ADCY3: variants seen among roughly 807,000 people sequenced by gnomAD.
ADCY3 encodes the protein adenylate cyclase type 3.
Under a neutral mutation model 119.4 loss-of-function variants are expected in ADCY3, and 70 were observed. That is an observed-to-expected ratio of 0.59 (90% confidence interval 0.48 to 0.72). The LOEUF is 0.72. Ranked by LOEUF, ADCY3 falls within the 30% of genes least tolerant of loss-of-function variation. The pLI is 0.00. For synonymous variants in ADCY3, 672 were observed against 621.4 expected (o/e 1.08, Z -1.21); for missense variants, 1,238 against 1,541.6 (o/e 0.80, Z 3.30).
Position 24,820,125 on chromosome 2 carries a change from A to AGGG in ADCY3, c.3253-14_3253-12dup. The AGGG allele has an allele frequency of 8.3e-7, 1 of 1,207,042 alleles. No homozygotes were observed. Among genetic ancestry groups the AGGG allele is most frequent in the Non-Finnish European group, 1.1e-6 (1 of 935,426 alleles). 74.8% of individuals were successfully genotyped at this position (1,207,042 alleles called of 1,614,324 possible). A position where few individuals can be genotyped will look rare whatever the true frequency, so the allele number is the denominator to read the frequency against. ...GGTTTCTTCTACCACCTGGAGAGGG[A>AGGG]GGGGGAGCAAGAACGTGGCGTTACG... On this transcript the variant is annotated splice_polypyrimidine_tract_variant and intron_variant, in intron 21 of 21. Transcript: ENST00000679454.
rs1664680932 is a variant in ADCY3, at chr2:24,918,138, C to T, written c.675+175G>A. ...TTCCCTGGGGCCAAGCACAGGCAGA[C>T]TCCGGGTAATGGCACAGGGGTGAAA... On this transcript the variant is annotated intron_variant, in intron 2 of 21. Coordinates refer to ENST00000679454, the MANE Select transcript of ADCY3 (RefSeq NM_004036.5). The surrounding 1 kb of genome is among the most constrained non-coding windows in gnomAD (Gnocchi z 5.4). Among the ~76,000 whole-genome samples the T allele has an allele frequency of 6.6e-6, 1 of 152,204 alleles. No homozygotes were observed. The highest frequency in any genetic ancestry group is 6.5e-5 in the Admixed American group (1 of 15,284).
At chr2:24,864,189 C>G (rs771576757) in intron 3 of ADCY3, among the ~76,000 whole-genome samples, 1 of 152,144 alleles carries the variant, frequency 6.6e-6, no homozygotes, top group African/African-American at 2.4e-5. Flanking sequence ...ACTCGGGACG[C>G]TGAAGCAGGA....
chr2:24,882,240 C>CATCT (rs1296337762), intron 2 of ADCY3, among the ~76,000 whole-genome samples: 2 of 151,836 alleles, frequency 1.3e-5, no homozygotes, highest in Non-Finnish European at 2.9e-5. Flanking sequence ...CAGAGAAGGC[C>CATCT]ATCTGGTCAA....
intron 3 of ADCY3, among the ~76,000 whole-genome samples, chr2:24,862,232 C>CCTTT (rs1166540201): frequency 6.6e-6 from 1 of 152,164 alleles, no homozygotes; most frequent in Admixed American, 6.5e-5. Context: ...TCACCAGGTC[C>CCTTT]CTTTCTATCT....
At chr2:24,833,947 G>A (rs1223562849) in intron 11 of ADCY3, among the ~76,000 whole-genome samples, 5 of 152,290 alleles carry the variant, frequency 3.3e-5, no homozygotes, top group South Asian at 2.1e-4. Flanking sequence ...CCGATTGGCC[G>A]AGGGGAGAAA....
intron 15 of ADCY3, among the ~76,000 whole-genome samples, chr2:24,827,336 C>A (rs1448224632): frequency 6.6e-6 from 1 of 152,218 alleles, no homozygotes; most frequent in Admixed American, 6.5e-5. Context: ...CAGCCAGTTA[C>A]ATGCAGCTGC....
intron 2 of ADCY3, among the ~76,000 whole-genome samples, chr2:24,910,266 G>A (rs1014098578): frequency 8.5e-5 from 13 of 152,120 alleles, no homozygotes; most frequent in African/African-American, 2.7e-4. Flanking sequence ...GCAGTGTCAC[G>A]ATCATGGCTC....
At chr2:24,880,874 G>C (rs1676307050) in intron 2 of ADCY3, among the ~76,000 whole-genome samples, 1 of 152,158 alleles carries the variant, frequency 6.6e-6, no homozygotes, top group Non-Finnish European at 1.5e-5. Context: ...AATTAGCTGG[G>C]TGTTGTGGCA....
intron 3 of ADCY3, among the ~76,000 whole-genome samples, chr2:24,850,019 C>A (rs1282430164): frequency 2.0e-5 from 3 of 152,050 alleles, no homozygotes; most frequent in Non-Finnish European, 2.9e-5. Flanking sequence ...GGTAGATGAG[C>A]TGGACTGTTT....
intron 21 of ADCY3, 149 bp from the exon 22 acceptor site, chr2:24,820,263 T>C (rs1026096548): frequency 1.1e-4 from 128 of 1,201,730 alleles, no homozygotes; most frequent in Non-Finnish European, 1.3e-4. Flanking sequence ...GCCAAGCCCT[T>C]CCACCCGTGG....
Position 24,857,957 on chromosome 2 carries a change from T to C in ADCY3, c.825+14613A>G, listed in dbSNP as rs557938611. Among the ~76,000 whole-genome samples the C allele has an allele frequency of 9.2e-5, 14 of 151,352 alleles. No individual in the cohort carries two copies. The East Asian group carries it at 2.7e-3, about 29-fold the overall frequency. ...GTTCTGCTCACAACTGTATCCCCAG[T>C]GCCTAGAAAAGTCCTGAAATACTTG... On this transcript the variant is annotated intron_variant, in intron 3 of 21. Transcript: ENST00000679454.
At chr2:24,863,087 A>G (rs1019700127) in intron 3 of ADCY3, among the ~76,000 whole-genome samples, 1 of 152,222 alleles carries the variant, frequency 6.6e-6, no homozygotes, top group African/African-American at 2.4e-5. Flanking sequence ...GACCAAAAAA[A>G]AGGCTTGAAG....
chr2:24,895,827 T>C (rs1393380780), intron 2 of ADCY3, among the ~76,000 whole-genome samples: 2 of 152,200 alleles, frequency 1.3e-5, no homozygotes. Flanking sequence ...GGTTTCACCA[T>C]ATTGCCCAGG....
chr2:24,839,229 A>G (rs1367400034), intron 7 of ADCY3, among the ~76,000 whole-genome samples: 1 of 152,184 alleles, frequency 6.6e-6, no homozygotes, highest in Non-Finnish European at 1.5e-5. Flanking sequence ...GGCGTGAGCC[A>G]CAAGATCCAA....
chr2:24,897,890 G>C (rs1424208776), intron 2 of ADCY3, among the ~76,000 whole-genome samples: 2 of 152,104 alleles, frequency 1.3e-5, no homozygotes, highest in African/African-American at 4.8e-5. Flanking sequence ...ATACTCTGCT[G>C]CTCACAGCCA....
intron 3 of ADCY3, among the ~76,000 whole-genome samples, chr2:24,858,343 T>A (rs1217735010): frequency 6.6e-6 from 1 of 152,154 alleles, no homozygotes; most frequent in Non-Finnish European, 1.5e-5. Flanking sequence ...ATCCAGAATG[T>A]ACAAATGTTT....
chr2:24,913,144 G>A (rs1031676186), intron 2 of ADCY3, among the ~76,000 whole-genome samples: 1 of 152,200 alleles, frequency 6.6e-6, no homozygotes, highest in African/African-American at 2.4e-5. Context: ...GCCTCCTCTT[G>A]CTCTGTGTCC....
chr2:24,841,311 C>A lies in ADCY3; in HGVS notation c.1144G>T (p.Asp382Tyr). ...ATGAGGATGGAGCAGACGGCGTGGT[C>A]CTCCCGGTAGTCGGGCAAGCCGCAG... ...CICGLPDYREDHAVCSILMGL... is the reference protein window; with the variant it reads ...CICGLPDYREYHAVCSILMGL... Residue 382 changes from aspartate (D) to tyrosine (Y), a missense_variant, in exon 6 of 22, where the codon GAC becomes TAC. Physicochemically the swap from Asp to Tyr is radical, Grantham distance 160 (BLOSUM62 -3). Coordinates refer to ENST00000679454, the MANE Select transcript of ADCY3 (RefSeq NM_004036.5). This position sits in a 1 kb window ranked among gnomAD's most constrained non-coding sequence, Gnocchi z 5.8. 6.3e-7 allele frequency: 1 copy of A among 1,584,668 alleles called. No individual in the cohort carries two copies. The highest frequency in any genetic ancestry group is 1.2e-5 in the South Asian group (1 of 86,864).
intron 13 of ADCY3, 70 bp from the exon 14 acceptor site, chr2:24,828,231 G>A: frequency 6.4e-7 from 1 of 1,563,984 alleles, no homozygotes; most frequent in Non-Finnish European, 8.7e-7. Flanking sequence ...AGAGGGCTGT[G>A]CATGGTAGTG....
Sources: gnomAD v4.1 joint callset for allele counts (sites outside exome capture counted in the v4.1 genomes callset) on GRCh38, gnomAD v4.1.1 for gene constraint, Gnocchi (gnomAD v3.1) non-coding constraint, MANE v1.5 for transcripts, NCBI Gene and HGNC (gene_info 2026-07-23, HGNC 2026-07-21) for gene names.